FNDC3A: variants seen among roughly 807,000 people sequenced by gnomAD.
The protein encoded by FNDC3A is fibronectin type-III domain-containing protein 3A.
Under a neutral mutation model 148.9 loss-of-function variants are expected in FNDC3A, and 32 were observed. The observed-to-expected ratio is 0.21, with a 90% CI of 0.16 to 0.29. The LOEUF (loss-of-function observed/expected upper bound fraction) is 0.29. FNDC3A is among the 10% of genes least tolerant of loss of function. The pLI is 1.00. For missense variants in FNDC3A, 1,191 were observed against 1,452.8 expected, an observed-to-expected ratio of 0.82 and a Z score of 2.93; for synonymous variants, 472 against 473.6, an observed-to-expected ratio of 1.00 and a Z score of 0.04.
Position 49,197,763 on chromosome 13 carries a change from A to T in FNDC3A, c.2379A>T (p.Arg793=). 1 of 1,611,464 alleles carries T rather than the reference A, an allele frequency of 6.2e-7. No homozygotes were observed. The highest frequency in any genetic ancestry group is 8.5e-7 in the Non-Finnish European group (1 of 1,179,412). The change falls in exon 21 of 26, where the codon CGA becomes CGT. Residue 793 remains arginine (R), a synonymous_variant. Coordinates refer to ENST00000492622, the MANE Select transcript of FNDC3A (RefSeq NM_001079673.2). The part of the protein sequence containing the change: ...LSNGTDVTEY[R]LEWGGVEGSM... ...ATGGAACAGATGTCACTGAATATCGACTGGAGTGGGGAGGAGTTGAAGGAA... is the reference window on the plus strand; with the variant it reads ...ATGGAACAGATGTCACTGAATATCGTCTGGAGTGGGGAGGAGTTGAAGGAA...
intron 2 of FNDC3A, among the ~76,000 whole-genome samples, chr13:49,019,056 T>C (rs984268376): frequency 6.6e-6 from 1 of 152,200 alleles, no homozygotes; most frequent in Non-Finnish European, 1.5e-5. Flanking sequence ...TGTCTTTTTG[T>C]TTGTCTGTGC....
chr13:49,110,500 T>C (rs1880493582), intron 3 of FNDC3A: 3 of 850,418 alleles, frequency 3.5e-6, no homozygotes, highest in Admixed American at 1.8e-5. Flanking sequence ...TAAAAATAGA[T>C]GCTAAATATC....
intron 2 of FNDC3A, among the ~76,000 whole-genome samples, chr13:49,030,556 G>A (rs1047028806): frequency 6.6e-6 from 1 of 152,130 alleles, no homozygotes; most frequent in Admixed American, 6.5e-5. Context: ...AGGCCTCCAG[G>A]TTGGAAAAGG....
intron 2 of FNDC3A, among the ~76,000 whole-genome samples, chr13:49,059,844 A>G (rs372604395): frequency 2.0e-5 from 3 of 152,358 alleles, no homozygotes; most frequent in East Asian, 1.9e-4. Flanking sequence ...AGCCAGTCCA[A>G]TTAAAACTGG....
chr13:49,182,547 CT>C (rs938262556), intron 14 of FNDC3A, among the ~76,000 whole-genome samples: 69 of 144,708 alleles, frequency 4.8e-4, no homozygotes, highest in Admixed American at 4.8e-4. Flanking sequence ...ATTTTTTTTT[CT>C]TTTTTTTTTT....
At chr13:49,136,769 G>A (rs751519163) in intron 6 of FNDC3A, among the ~76,000 whole-genome samples, 168 bp downstream of exon 6, 6 of 152,200 alleles carry the variant, frequency 3.9e-5, no homozygotes, top group South Asian at 2.1e-4. Flanking sequence ...CATCTATATC[G>A]TAAATTTTAC....
intron 2 of FNDC3A, among the ~76,000 whole-genome samples, chr13:49,012,696 T>C (rs1454811929): frequency 6.6e-6 from 1 of 152,126 alleles, no homozygotes; most frequent in African/African-American, 2.4e-5. Context: ...CATGCATTTA[T>C]GTAGGTTTTT....
At chr13:49,137,721 A>C (rs1283530542) in intron 6 of FNDC3A, among the ~76,000 whole-genome samples, 10 of 152,244 alleles carry the variant, frequency 6.6e-5, no homozygotes, top group Admixed American at 3.3e-4. Flanking sequence ...CCTGTCTTTC[A>C]TATGCCTACA....
chr13:49,170,431 C>T (rs1194417412), intron 10 of FNDC3A, among the ~76,000 whole-genome samples: 1 of 152,144 alleles, frequency 6.6e-6, no homozygotes, highest in East Asian at 1.9e-4. Flanking sequence ...TGGTGGTTAA[C>T]ATGGGAGATA....
chr13:49,167,346 G>A (rs1472597189), intron 9 of FNDC3A, 43 bp downstream of exon 9: 4 of 1,112,820 alleles, frequency 3.6e-6, no homozygotes, highest in Non-Finnish European at 5.2e-6. Flanking sequence ...TACAGCATAA[G>A]GGGTTTTTTT....
intron 14 of FNDC3A, among the ~76,000 whole-genome samples, chr13:49,178,891 C>A (rs1331935878): frequency 1.3e-5 from 2 of 152,130 alleles, no homozygotes; most frequent in African/African-American, 4.8e-5. Flanking sequence ...TGCCACCACA[C>A]CTGGCTAACT....
At chr13:49,109,990 T>C (rs997313303) in intron 3 of FNDC3A, among the ~76,000 whole-genome samples, 1 of 152,184 alleles carries the variant, frequency 6.6e-6, no homozygotes, top group African/African-American at 2.4e-5. Context: ...GCAGGCTGCA[T>C]GAGTAAAAAA....
intron 14 of FNDC3A, among the ~76,000 whole-genome samples, chr13:49,181,104 A>G: frequency 6.6e-6 from 1 of 152,194 alleles, no homozygotes; most frequent in East Asian, 1.9e-4. Flanking sequence ...CTAATTAATT[A>G]AAGTGTGTTT....
intron 17 of FNDC3A, 144 bp from the exon 18 acceptor site, chr13:49,190,871 C>T: frequency 1.7e-6 from 1 of 582,912 alleles, no homozygotes; most frequent in Non-Finnish European, 3.0e-6. Flanking sequence ...TTTTTCAGAA[C>T]TTTATTCCTT....
chr13:49,190,176 G>T (rs962388497), intron 17 of FNDC3A, among the ~76,000 whole-genome samples: 2 of 152,098 alleles, frequency 1.3e-5, no homozygotes, highest in African/African-American at 4.8e-5. Context: ...GTGAGCCACC[G>T]CGCCCGGCCC....
At chr13:49,174,088 G>A (rs1035431925) in intron 11 of FNDC3A, among the ~76,000 whole-genome samples, 64 of 152,140 alleles carry the variant, frequency 4.2e-4, no homozygotes, top group African/African-American at 1.4e-3. Context: ...AAAGCCGCCA[G>A]TTGACCCTAT....
intron 1 of FNDC3A, among the ~76,000 whole-genome samples, chr13:48,978,190 C>G (rs1380247568): frequency 6.6e-6 from 1 of 151,998 alleles, no homozygotes; most frequent in African/African-American, 2.4e-5. Flanking sequence ...TTACTCTTTA[C>G]TAGTCACATT....
intron 3 of FNDC3A, among the ~76,000 whole-genome samples, chr13:49,099,915 C>T (rs572657081): frequency 6.6e-6 from 1 of 151,852 alleles, no homozygotes; most frequent in Non-Finnish European, 1.5e-5. Flanking sequence ...TAAAATATTA[C>T]AAAAAAGAGT....
chr13:49,152,616 C>T lies in FNDC3A; in HGVS notation c.977+6681C>T, dbSNP rs533941133. 9.5e-4 allele frequency among the ~76,000 whole-genome samples: 144 copies of T among 152,084 alleles called. 1 individual carries two copies. Among genetic ancestry groups the T allele is most frequent in the African/African-American group, 3.3e-3 (138 of 41,480 alleles). ...ATGCTGGTGCGCTGCACCCACTAACCACTAACTCGTCATCTAGCATTAGGT... is the reference window on the plus strand; with the variant it reads ...ATGCTGGTGCGCTGCACCCACTAACTACTAACTCGTCATCTAGCATTAGGT... On this transcript the variant is annotated intron_variant, in intron 8 of 25. Coordinates refer to ENST00000492622, the MANE Select transcript of FNDC3A (RefSeq NM_001079673.2).
Sources: gnomAD v4.1 joint callset for allele counts (sites outside exome capture counted in the v4.1 genomes callset) on GRCh38, gnomAD v4.1.1 for gene constraint, MANE v1.5 for transcripts, NCBI Gene and HGNC (gene_info 2026-07-23, HGNC 2026-07-21) for gene names.